Variants in ADCY3 observed in about 807,000 individuals in gnomAD.
ADCY3 encodes the protein adenylate cyclase type 3.
ADCY3 carries 70 observed loss-of-function variants against 119.4 expected under a neutral mutation model. The ratio of observed to expected loss-of-function variants is 0.59; its 90% CI spans 0.48 to 0.72. The LOEUF (loss-of-function observed/expected upper bound fraction) is 0.72. Ranked by LOEUF, ADCY3 falls within the 30% of genes least tolerant of loss-of-function variation. The pLI, the probability that ADCY3 is intolerant of heterozygous loss-of-function variation, is 0.00. For missense variants in ADCY3, 1,238 were observed against 1,541.6 expected, an observed-to-expected ratio of 0.80 and a Z score of 3.30; for synonymous variants, 672 against 621.4, an observed-to-expected ratio of 1.08 and a Z score of -1.21.
chr2:24,894,371 A>T (rs1678021363), intron 2 of ADCY3, among the ~76,000 whole-genome samples: 1 of 152,180 alleles, frequency 6.6e-6, no homozygotes, highest in South Asian at 2.1e-4. Flanking sequence ...GCTACTTGGG[A>T]GGCTGAGGCA....
chr2:24,827,813 A>T, intron 14 of ADCY3, 89 bp downstream of exon 14: 2 of 1,572,392 alleles, frequency 1.3e-6, no homozygotes, highest in East Asian at 4.5e-5. Flanking sequence ...GCAGAAAGCC[A>T]CCTCAGCACA....
intron 3 of ADCY3, among the ~76,000 whole-genome samples, chr2:24,846,569 T>C (rs991207373): frequency 6.6e-6 from 1 of 150,742 alleles, no homozygotes; most frequent in Non-Finnish European, 1.5e-5. Context: ...AGTAACTAGT[T>C]TGCTTTTGAT....
intron 2 of ADCY3, among the ~76,000 whole-genome samples, chr2:24,883,451 T>C (rs1411894877): frequency 6.6e-6 from 1 of 152,190 alleles, no homozygotes. Flanking sequence ...AAGGAAAGCT[T>C]GGGCTGGCCA....
chr2:24,874,072 T>C (rs1675351400), intron 2 of ADCY3, among the ~76,000 whole-genome samples: 1 of 152,230 alleles, frequency 6.6e-6, no homozygotes, highest in Non-Finnish European at 1.5e-5. Flanking sequence ...GTTCTCTTGG[T>C]TATGCCATAT....
chr2:24,896,475 T>G (rs1678299154), intron 2 of ADCY3, among the ~76,000 whole-genome samples: 1 of 152,214 alleles, frequency 6.6e-6, no homozygotes, highest in South Asian at 2.1e-4. Flanking sequence ...CCACTTTTTT[T>G]TTGTTAGTGG....
chr2:24,843,746 G>A (rs1671330712), intron 3 of ADCY3, among the ~76,000 whole-genome samples: 1 of 152,138 alleles, frequency 6.6e-6, no homozygotes, highest in Non-Finnish European at 1.5e-5. Context: ...CTCTGTGCGG[G>A]CACCTGCAGG....
At chr2:24,838,880 C>G (rs766923415) in intron 7 of ADCY3, 1 of 1,593,738 alleles carries the variant, frequency 6.3e-7, no homozygotes, top group Admixed American at 1.7e-5. Context: ...AGCCACGACA[C>G]AGGAGTACAA....
At position 24,841,098 on chromosome 2, in the gene ADCY3, G is replaced by A. The variant is rs896484550; in HGVS notation, c.1196+161C>T. On this transcript the variant is annotated intron_variant, in intron 6 of 21. Transcript: ENST00000679454. This position sits in a 1 kb window ranked among gnomAD's most constrained non-coding sequence, Gnocchi z 5.8. ...TAAGCCACATCCCAGCTTCTAGAGCGGGAGCCTGCGCCACCCATCAACCAG... is the reference window on the plus strand; with the variant it reads ...TAAGCCACATCCCAGCTTCTAGAGCAGGAGCCTGCGCCACCCATCAACCAG... Among the ~76,000 whole-genome samples, 6 of 152,216 alleles carry A rather than the reference G, an allele frequency of 3.9e-5. No homozygotes were observed. The highest frequency in any genetic ancestry group is 1.2e-4 in the African/African-American group (5 of 41,462).
intron 2 of ADCY3, among the ~76,000 whole-genome samples, chr2:24,904,537 A>G (rs752963001): frequency 2.6e-5 from 4 of 152,116 alleles, no homozygotes; most frequent in Non-Finnish European, 4.4e-5. Context: ...AAAGAAAAGA[A>G]AAGAAAAAAG....
At chr2:24,867,852 T>C (rs760626605) in intron 3 of ADCY3, among the ~76,000 whole-genome samples, 13 of 152,170 alleles carry the variant, frequency 8.5e-5, no homozygotes, top group Non-Finnish European at 1.5e-4. Context: ...GTTTAAAATA[T>C]GTTGAACTAA....
chr2:24,865,915 G>A (rs187693138), intron 3 of ADCY3, among the ~76,000 whole-genome samples: 1 of 152,254 alleles, frequency 6.6e-6, no homozygotes, highest in East Asian at 1.9e-4. Flanking sequence ...GCTGGAGAGA[G>A]AGCAATGATG....
At chr2:24,865,863 C>A (rs1332442441) in intron 3 of ADCY3, among the ~76,000 whole-genome samples, 2 of 152,052 alleles carry the variant, frequency 1.3e-5, no homozygotes, top group Non-Finnish European at 2.9e-5. Context: ...TAAGTGAGCC[C>A]AATGCACTCC....
chr2:24,872,525 T>A lies in ADCY3; in HGVS notation c.825+45A>T, dbSNP rs769054253. On this transcript the variant is annotated intron_variant, in intron 3 of 21. Transcript: ENST00000679454. This position sits in a 1 kb window ranked among gnomAD's most constrained non-coding sequence, Gnocchi z 4.4. ...TCCTCTCCCTCTGACAAGGCCACAG[T>A]CCCTGAGCCCAAGCTCCAGGCCCGA... 3.3e-5 allele frequency: 53 copies of A among 1,598,992 alleles called. No individual in the cohort carries two copies. Among genetic ancestry groups the A allele is most frequent in the Non-Finnish European group, 4.4e-5 (51 of 1,171,956 alleles).
At chr2:24,887,116 T>A (rs987982029) in intron 2 of ADCY3, among the ~76,000 whole-genome samples, 1 of 152,158 alleles carries the variant, frequency 6.6e-6, no homozygotes, top group Non-Finnish European at 1.5e-5. Flanking sequence ...TGGGAAGGCC[T>A]CAGGAAATTT....
rs1342178460 is a variant in ADCY3, at chr2:24,842,734, G to GC, written c.826-351dup. The GC allele has an allele frequency of 1.3e-5, 4 of 299,540 alleles. No homozygotes were observed. The Admixed American group carries it at 1.6e-4, about 12-fold the overall frequency. The allele number at this position is 299,540 out of a possible 1,614,324, so 18.6% of individuals were successfully genotyped here. A position where few individuals can be genotyped will look rare whatever the true frequency, so the allele number is the denominator to read the frequency against. Reference sequence around the variant, plus strand: ...CGTGAGCCCTCCCGGCAGGAGCCCTGCGGGGTCACCTCAGCCACCCGCCAC... The same window carrying GC: ...CGTGAGCCCTCCCGGCAGGAGCCCTGCCGGGGTCACCTCAGCCACCCGCCAC... On this transcript the variant is annotated intron_variant, in intron 3 of 21. Transcript: ENST00000679454. This position sits in a 1 kb window ranked among gnomAD's most constrained non-coding sequence, Gnocchi z 4.9.
rs1038028740 is a variant in ADCY3 at position 24,919,731 on chromosome 2, G to C, written c.-246C>G. On this transcript the variant is annotated 5_prime_UTR_variant, in exon 1 of 22. Coordinates refer to ENST00000679454, the MANE Select transcript of ADCY3 (RefSeq NM_004036.5). This position sits in a 1 kb window ranked among gnomAD's most constrained non-coding sequence, Gnocchi z 5.5. ...GTGCTCCGGGACGGTCCCCGCGCGGGCTGGGGCGGGAGAGCTCGGCGCGCC... is the reference window on the plus strand; with the variant it reads ...GTGCTCCGGGACGGTCCCCGCGCGGCCTGGGGCGGGAGAGCTCGGCGCGCC... The C allele has an allele frequency of 6.6e-6, 1 of 151,810 alleles. No homozygotes were observed. The highest frequency in any genetic ancestry group is 1.5e-5 in the Non-Finnish European group (1 of 67,926). The allele number at this position is 151,810 out of a possible 1,614,324, so 9.4% of individuals were successfully genotyped here. A position where few individuals can be genotyped will look rare whatever the true frequency, so the allele number is the denominator to read the frequency against.
chr2:24,842,772 C>T lies in ADCY3; in HGVS notation c.826-388G>A, dbSNP rs1401207312. On this transcript the variant is annotated intron_variant, in intron 3 of 21. Coordinates refer to ENST00000679454, the MANE Select transcript of ADCY3 (RefSeq NM_004036.5). This position sits in a 1 kb window ranked among gnomAD's most constrained non-coding sequence, Gnocchi z 4.9. ...AGCCACCCGCCACGGCTGCACAGAG[C>T]CATCGCTCACAAAATTCTGCTTTGA... 6.6e-6 allele frequency among the ~76,000 whole-genome samples: 1 copy of T among 152,236 alleles called. No homozygotes were observed. The highest frequency in any genetic ancestry group is 1.5e-5 in the Non-Finnish European group (1 of 68,038).
chr2:24,912,315 A>G (rs1447307896), intron 2 of ADCY3, among the ~76,000 whole-genome samples: 2 of 151,020 alleles, frequency 1.3e-5, no homozygotes, highest in Admixed American at 6.6e-5. Context: ...AAAAAAAAAA[A>G]GGAAGAAGAA....
chr2:24,879,052 G>C lies in ADCY3; in HGVS notation c.676-6333C>G, dbSNP rs564980092. ...ACTGGCAGATGGAGGGGCGGGAAGA[G>C]GTCAGGCCTCGCAGTCACATAGACC... On this transcript the variant is annotated intron_variant, in intron 2 of 21. Coordinates refer to ENST00000679454, the MANE Select transcript of ADCY3 (RefSeq NM_004036.5). Among the ~76,000 whole-genome samples, 18 of 152,322 alleles carry C rather than the reference G, an allele frequency of 1.2e-4. No individual in the cohort carries two copies. In the South Asian group the frequency reaches 3.5e-3, roughly 30 times the overall value.
Sources: gnomAD v4.1 joint callset for allele counts (sites outside exome capture counted in the v4.1 genomes callset) on GRCh38, gnomAD v4.1.1 for gene constraint, Gnocchi (gnomAD v3.1) non-coding constraint, MANE v1.5 for transcripts, NCBI Gene and HGNC (gene_info 2026-07-23, HGNC 2026-07-21) for gene names.